Variants in GALK1 observed in about 807,000 individuals in gnomAD.
GALK1 encodes galactokinase 1.
In GALK1, 30 loss-of-function variants were observed where a neutral mutation model predicts 38.6. That is an observed-to-expected ratio of 0.78 (90% CI 0.58 to 1.05). GALK1 has a LOEUF of 1.05. GALK1 is among the 50% of genes least tolerant of loss of function. The pLI is 0.00. For missense variants in GALK1, 512 were observed against 540.5 expected (o/e 0.95, Z 0.52); for synonymous variants, 240 against 233.6 (o/e 1.03, Z -0.25).
downstream of GALK1, chr17:75,757,583 C>CCCACTAGG (rs1397348268): frequency 6.8e-6 from 11 of 1,612,876 alleles, no homozygotes; most frequent in Non-Finnish European, 8.5e-6. Context: ...CCCGCCACGT[C>CCCACTAGG]CCACTAGGCG....
chr17:75,752,327 T>A, intron 8 of GALK1: 1 of 1,612,446 alleles, frequency 6.2e-7, no homozygotes, highest in East Asian at 2.2e-5. Flanking sequence ...ATCATCAACC[T>A]GGCCACCCAG....
At chr17:75,753,765 G>T, downstream of GALK1, 1 of 1,440,750 alleles carries the variant, frequency 6.9e-7, no homozygotes, top group South Asian at 1.5e-5. Flanking sequence ...TGTTCCCAAG[G>T]CTGCGGCTGG....
intron 2 of GALK1, 72 bp downstream of exon 2, chr17:75,763,825 G>A (rs2061598401): frequency 4.3e-6 from 6 of 1,389,332 alleles, no homozygotes; most frequent in Non-Finnish European, 6.1e-6. Context: ...TCAGACAAAT[G>A]AATGGGCTCT....
intron 5 of GALK1, among the ~76,000 whole-genome samples, chr17:75,759,859 A>C (rs1005992833): frequency 6.6e-6 from 1 of 152,190 alleles, no homozygotes; most frequent in Admixed American, 6.5e-5. Flanking sequence ...CAGTGTGGGC[A>C]GCACGGCCAG....
intron 8 of GALK1, chr17:75,752,339 C>G (rs780818352): frequency 6.2e-7 from 1 of 1,612,666 alleles, no homozygotes; most frequent in Non-Finnish European, 8.5e-7. Context: ...GCCACCCAGC[C>G]CAAGAGGCCC....
At chr17:75,757,420 G>A, downstream of GALK1, 1 of 1,613,140 alleles carries the variant, frequency 6.2e-7, no homozygotes, top group Non-Finnish European at 8.5e-7. Flanking sequence ...CCACAGATGG[G>A]CTGACCCTGG....
chr17:75,758,949 G>A (rs1179003688), intron 5 of GALK1, among the ~76,000 whole-genome samples: 2 of 152,192 alleles, frequency 1.3e-5, no homozygotes, highest in African/African-American at 2.4e-5. Flanking sequence ...CTCCAGAAGA[G>A]GGGGCAGAAG....
intron 5 of GALK1, among the ~76,000 whole-genome samples, chr17:75,761,250 TCA>T (rs2061586196): frequency 6.6e-6 from 1 of 151,870 alleles, no homozygotes; most frequent in Non-Finnish European, 1.5e-5. Flanking sequence ...AAAAAGTTAA[TCA>T]CAGTGTGAGG....
At chr17:75,760,028 AAT>A (rs2061580761) in intron 5 of GALK1, among the ~76,000 whole-genome samples, 1 of 152,176 alleles carries the variant, frequency 6.6e-6, no homozygotes, top group Non-Finnish European at 1.5e-5. Flanking sequence ...TAATATTGAT[AAT>A]GACCTTAAAA....
downstream of GALK1, among the ~76,000 whole-genome samples, chr17:75,753,462 C>T (rs1450538881): frequency 6.6e-6 from 1 of 152,334 alleles, no homozygotes; most frequent in East Asian, 1.9e-4. Flanking sequence ...GCAAGGGAGA[C>T]CTCACAGCTG....
chr17:75,757,720 G>A (rs538674429), downstream of GALK1: 134 of 924,504 alleles, frequency 1.4e-4, no homozygotes, highest in South Asian at 6.5e-4. Flanking sequence ...GGCAAGGTCC[G>A]TCCTCTGTGG....
chr17:75,754,272 G>A (rs548311119), downstream of GALK1, among the ~76,000 whole-genome samples: 1 of 152,280 alleles, frequency 6.6e-6, no homozygotes, highest in South Asian at 2.1e-4. Flanking sequence ...AGGAGGGAAG[G>A]CTTGGGGATC....
chr17:75,764,456 G>GC (rs756538541), intron 1 of GALK1: 4 of 558,338 alleles, frequency 7.2e-6, no homozygotes, highest in Non-Finnish European at 3.5e-6. Context: ...GGCGGAAAGC[G>GC]CCCCCCGCTG....
intron 1 of GALK1, 84 bp from the exon 2 acceptor site, chr17:75,764,170 G>A: frequency 8.0e-7 from 1 of 1,250,334 alleles, no homozygotes. Context: ...CCGAGGTTCT[G>A]ATGCCTCCAC....
At chr17:75,757,107 G>T, downstream of GALK1, 1 of 1,612,974 alleles carries the variant, frequency 6.2e-7, no homozygotes, top group Admixed American at 1.7e-5. Context: ...CCAGGATGGA[G>T]GTAGGCACCT....
At chr17:75,756,872 C>T, downstream of GALK1, 1 of 1,612,332 alleles carries the variant, frequency 6.2e-7, no homozygotes, top group Non-Finnish European at 8.5e-7. Flanking sequence ...GCTGCCCACC[C>T]CGGGGGCAGG....
chr17:75,754,065 G>A (rs967061776), downstream of GALK1: 3 of 590,084 alleles, frequency 5.1e-6, no homozygotes, highest in African/African-American at 1.9e-5. Flanking sequence ...CTGCCTCGGG[G>A]GCCCCAGTTT....
At chr17:75,756,967 A>G, downstream of GALK1, 5 of 1,612,686 alleles carry the variant, frequency 3.1e-6, no homozygotes, top group Non-Finnish European at 4.2e-6. Flanking sequence ...TTCCGGGTGG[A>G]TGGAGACAGC....
intron 1 of GALK1, 121 bp from the exon 2 acceptor site, chr17:75,764,207 T>G: frequency 1.0e-6 from 1 of 988,744 alleles, no homozygotes. Context: ...ACCTCCAGGT[T>G]CAGCGTCGCA....
Sources: gnomAD v4.1 joint callset for allele counts (sites outside exome capture counted in the v4.1 genomes callset) on GRCh38, gnomAD v4.1.1 for gene constraint, MANE v1.5 for transcripts, NCBI Gene and HGNC (gene_info 2026-07-23, HGNC 2026-07-21) for gene names.